Variants in SPOCK1 observed in about 807,000 individuals in gnomAD.
The protein encoded by SPOCK1 is testican-1.
Under a neutral mutation model 55.3 loss-of-function variants are expected in SPOCK1, and 23 were observed. The ratio of observed to expected loss-of-function variants is 0.42; its 90% CI spans 0.30 to 0.59. The LOEUF (loss-of-function observed/expected upper bound fraction) is 0.59. Among genes scored for constraint, SPOCK1 ranks in the 20% least tolerant of loss-of-function variants. The pLI is 0.22. For synonymous variants in SPOCK1, 226 were observed against 221.0 expected (o/e 1.02, Z -0.20); for missense variants, 499 against 552.5 (o/e 0.90, Z 0.97).
intron 2 of SPOCK1, among the ~76,000 whole-genome samples, chr5:137,438,212 C>T (rs551194610): frequency 6.6e-6 from 1 of 152,110 alleles, no homozygotes; most frequent in African/African-American, 2.4e-5. Flanking sequence ...AAACTGGGGG[C>T]TCCTGCACAG....
At chr5:137,116,057 C>T (rs1171468112) in intron 4 of SPOCK1, among the ~76,000 whole-genome samples, 1 of 152,088 alleles carries the variant, frequency 6.6e-6, no homozygotes, top group African/African-American at 2.4e-5. Flanking sequence ...GTTCTGTCAG[C>T]CTTCTCTCAT....
At chr5:137,169,017 T>C (rs1201596668) in intron 3 of SPOCK1, among the ~76,000 whole-genome samples, 2 of 152,104 alleles carry the variant, frequency 1.3e-5, no homozygotes, top group African/African-American at 2.4e-5. Flanking sequence ...TATTCAGCCA[T>C]AAAAAGGAAT....
At chr5:137,423,748 C>T (rs933081205) in intron 2 of SPOCK1, among the ~76,000 whole-genome samples, 5 of 152,192 alleles carry the variant, frequency 3.3e-5, no homozygotes, top group African/African-American at 7.2e-5. Flanking sequence ...GGCGATGCCT[C>T]GCCCTGCTTC....
intron 6 of SPOCK1, among the ~76,000 whole-genome samples, chr5:137,034,999 G>A (rs1028805380): frequency 6.6e-6 from 1 of 152,178 alleles, no homozygotes; most frequent in Non-Finnish European, 1.5e-5. Context: ...TCCAGAGTGG[G>A]TTCTACTGCT....
intron 8 of SPOCK1, among the ~76,000 whole-genome samples, chr5:136,987,711 C>T (rs1750870280): frequency 6.6e-6 from 1 of 151,778 alleles, no homozygotes; most frequent in South Asian, 2.1e-4. Flanking sequence ...GTGGGATATA[C>T]CAGCTATGCC....
intron 4 of SPOCK1, among the ~76,000 whole-genome samples, chr5:137,140,206 TAGTGCAACCAG>T (rs1396457894): frequency 6.6e-6 from 1 of 152,124 alleles, no homozygotes; most frequent in African/African-American, 2.4e-5. Context: ...GTGAGGTTGT[TAGTGCAACCAG>T]GAGACTAAAC....
chr5:137,339,231 G>A (rs1413386358), intron 2 of SPOCK1, among the ~76,000 whole-genome samples: 1 of 152,162 alleles, frequency 6.6e-6, no homozygotes, highest in African/African-American at 2.4e-5. Flanking sequence ...CCTACATTTA[G>A]TCCCTGGCTT....
chr5:137,433,719 A>G (rs539031486), intron 2 of SPOCK1, among the ~76,000 whole-genome samples: 7 of 152,324 alleles, frequency 4.6e-5, no homozygotes, highest in African/African-American at 1.2e-4. Context: ...ATGGAATCCA[A>G]CCAACTAGAA....
rs1303791483 is a variant in SPOCK1 at position 137,407,945 on chromosome 5, G to A, written c.186+90428C>T. The stretch of plus-strand genomic sequence containing the variant: ...TCTATGCTTGCTGGCTGCCTCTCCC[G>A]CCCCCACCCCCACTGCTCACTTGGC... On this transcript the variant is annotated intron_variant, in intron 2 of 10. Coordinates refer to ENST00000394945, the MANE Select transcript of SPOCK1 (RefSeq NM_004598.4). 2.3e-5 allele frequency among the ~76,000 whole-genome samples: 3 copies of A among 133,214 alleles called. No individual in the cohort carries two copies. In the Admixed American group the frequency reaches 2.4e-4, roughly 11 times the overall value. 87.4% of individuals were successfully genotyped at this position (133,214 alleles called of 152,430 possible). A position where few individuals can be genotyped will look rare whatever the true frequency, so the allele number is the denominator to read the frequency against.
chr5:137,137,636 G>C (rs1447073589), intron 4 of SPOCK1, among the ~76,000 whole-genome samples: 3 of 152,172 alleles, frequency 2.0e-5, no homozygotes, highest in Non-Finnish European at 4.4e-5. Flanking sequence ...CCAATTATCA[G>C]AAATCCCATC....
At chr5:137,350,558 G>A (rs1278942949) in intron 2 of SPOCK1, among the ~76,000 whole-genome samples, 1 of 152,120 alleles carries the variant, frequency 6.6e-6, no homozygotes, top group African/African-American at 2.4e-5. Flanking sequence ...GAGTGCAGGG[G>A]AAATGTCTAG....
intron 6 of SPOCK1, among the ~76,000 whole-genome samples, chr5:137,027,377 T>C (rs542208513): frequency 1.3e-5 from 2 of 152,210 alleles, no homozygotes; most frequent in Non-Finnish European, 2.9e-5. Context: ...CTAGTGTTAA[T>C]GGAATCCCAA....
intron 5 of SPOCK1, among the ~76,000 whole-genome samples, chr5:137,090,735 T>A (rs916258531): frequency 2.0e-5 from 3 of 152,138 alleles, no homozygotes; most frequent in Non-Finnish European, 4.4e-5. Context: ...GGAAAAAGGG[T>A]CATGGCACAA....
At chr5:137,406,812 A>G (rs1015901107) in intron 2 of SPOCK1, among the ~76,000 whole-genome samples, 1 of 152,256 alleles carries the variant, frequency 6.6e-6, no homozygotes, top group Non-Finnish European at 1.5e-5. Flanking sequence ...TCACACCTGT[A>G]AAATGGAAAT....
chr5:137,170,669 T>C (rs1754739901), intron 3 of SPOCK1, among the ~76,000 whole-genome samples: 1 of 151,796 alleles, frequency 6.6e-6, no homozygotes, highest in Admixed American at 6.6e-5. Context: ...AGAAGGCAAG[T>C]TGCCTGCAAG....
intron 2 of SPOCK1, among the ~76,000 whole-genome samples, chr5:137,310,591 T>C (rs990986929): frequency 1.3e-5 from 2 of 152,132 alleles, no homozygotes; most frequent in Non-Finnish European, 2.9e-5. Flanking sequence ...GAAAGGAGAA[T>C]TTGCACAAAA....
chr5:137,192,131 G>A (rs950814690), intron 3 of SPOCK1, among the ~76,000 whole-genome samples: 5 of 151,154 alleles, frequency 3.3e-5, no homozygotes, highest in South Asian at 2.1e-4. Flanking sequence ...CCAGCTACTC[G>A]GGAGGCTGAG....
At chr5:137,471,514 T>G (rs1196528048) in intron 2 of SPOCK1, among the ~76,000 whole-genome samples, 1 of 152,216 alleles carries the variant, frequency 6.6e-6, no homozygotes, top group African/African-American at 2.4e-5. Flanking sequence ...GTCACCGCTA[T>G]TCCTATCTGT....
intron 2 of SPOCK1, among the ~76,000 whole-genome samples, chr5:137,292,320 T>C (rs1757384925): frequency 6.6e-6 from 1 of 150,896 alleles, no homozygotes; most frequent in Non-Finnish European, 1.5e-5. Context: ...GAGTTTCGAA[T>C]GGGAACTACC....
Sources: gnomAD v4.1 joint callset for allele counts (sites outside exome capture counted in the v4.1 genomes callset) on GRCh38, gnomAD v4.1.1 for gene constraint, MANE v1.5 for transcripts, NCBI Gene and HGNC (gene_info 2026-07-23, HGNC 2026-07-21) for gene names.